Variants in COL6A5 observed in about 807,000 individuals in gnomAD.
COL6A5 encodes the protein collagen alpha-5(VI) chain.
Under a neutral mutation model 65.6 loss-of-function variants are expected in COL6A5, and 48 were observed. The ratio of observed to expected loss-of-function variants is 0.73; its 90% CI spans 0.58 to 0.93. COL6A5 has a LOEUF of 0.93. COL6A5 is among the 40% of genes least tolerant of loss of function. The pLI is 0.00. For synonymous variants in COL6A5, 291 were observed against 322.8 expected (o/e 0.90, Z 1.05); for missense variants, 914 against 928.3 (o/e 0.98, Z 0.20).
At chr3:130,476,976 T>C (rs1710115308) in intron 7 of COL6A5, 2 of 883,374 alleles carry the variant, frequency 2.3e-6, no homozygotes, top group African/African-American at 3.3e-5. Context: ...CTTGTCTTTT[T>C]CTTGCACTCA....
At chr3:130,438,812 A>G (rs1395231363) in intron 1 of COL6A5, among the ~76,000 whole-genome samples, 1 of 152,192 alleles carries the variant, frequency 6.6e-6, no homozygotes, top group Non-Finnish European at 1.5e-5. Flanking sequence ...TAAATGCCCA[A>G]TAAAGAGTTA....
upstream of COL6A5, among the ~76,000 whole-genome samples, chr3:130,426,813 G>T (rs1464531238): frequency 6.6e-6 from 1 of 151,844 alleles, no homozygotes; most frequent in African/African-American, 2.4e-5. Context: ...ACTGAATCCA[G>T]CTATGGGAAA....
chr3:130,466,211 T>C (rs1183967380), intron 5 of COL6A5, among the ~76,000 whole-genome samples: 2 of 152,120 alleles, frequency 1.3e-5, no homozygotes, highest in African/African-American at 2.4e-5. Context: ...AGATAGACCA[T>C]ATTGTGGACC....
At position 130,374,462 on chromosome 3, in the gene COL6A5, G is replaced by A. The variant is rs541611667; in HGVS notation, c.67+757G>A. Among the ~76,000 whole-genome samples the A allele has an allele frequency of 1.3e-4, 20 of 151,980 alleles. No homozygotes were observed. In the South Asian group the frequency reaches 4.0e-3, roughly 30 times the overall value. On this transcript the variant is annotated intron_variant and NMD_transcript_variant, in intron 2 of 41. Transcript: ENST00000312481. Reference sequence around the variant, plus strand: ...AGAATTTTTCAGCTCTATTATAATCGTATTTTTTTGAGACAGAGTCTCACT... The same window carrying A: ...AGAATTTTTCAGCTCTATTATAATCATATTTTTTTGAGACAGAGTCTCACT...
intron 5 of COL6A5, among the ~76,000 whole-genome samples, chr3:130,467,020 A>G (rs2107612073): frequency 6.6e-6 from 1 of 152,164 alleles, no homozygotes; most frequent in South Asian, 2.1e-4. Flanking sequence ...TAAAAATTTA[A>G]GGAAGAAATA....
chr3:130,400,781 G>T (rs1229274834), intron 10 of COL6A5, among the ~76,000 whole-genome samples: 1 of 152,170 alleles, frequency 6.6e-6, no homozygotes, highest in Non-Finnish European at 1.5e-5. Flanking sequence ...TTTGTAAATC[G>T]TTTCTCTTGA....
intron 1 of COL6A5, among the ~76,000 whole-genome samples, chr3:130,355,534 A>T (rs1177240589): frequency 6.6e-6 from 1 of 152,002 alleles, no homozygotes; most frequent in Non-Finnish European, 1.5e-5. Flanking sequence ...CCTAAGTGAA[A>T]ATTAGAGAGA....
intron 12 of COL6A5, among the ~76,000 whole-genome samples, 191 bp from the exon 13 acceptor site, chr3:130,403,418 G>T (rs1421069926): frequency 6.6e-6 from 1 of 152,158 alleles, no homozygotes; most frequent in Non-Finnish European, 1.5e-5. Flanking sequence ...TGCAAGAGGG[G>T]CTTCAGAGCT....
At chr3:130,405,054 A>C (rs1285034075) in intron 13 of COL6A5, among the ~76,000 whole-genome samples, 4 of 152,144 alleles carry the variant, frequency 2.6e-5, no homozygotes, top group African/African-American at 4.8e-5. Flanking sequence ...TTCAGTGCTC[A>C]CCCCTGCACG....
At chr3:130,434,102 C>T (rs532094983) in intron 1 of COL6A5, among the ~76,000 whole-genome samples, 22 of 152,132 alleles carry the variant, frequency 1.4e-4, no homozygotes, top group Non-Finnish European at 2.5e-4. Context: ...CCCCACCCCT[C>T]GACAGGCCCT....
At chr3:130,471,629 C>T in intron 7 of COL6A5, 53 bp from the exon 40 acceptor site, 1 of 1,490,784 alleles carries the variant, frequency 6.7e-7, no homozygotes, top group Non-Finnish European at 8.9e-7. Flanking sequence ...CACATTTAAT[C>T]TTGCAGGGGA....
At chr3:130,453,450 A>G (rs1160300042) in intron 4 of COL6A5, among the ~76,000 whole-genome samples, 1 of 152,152 alleles carries the variant, frequency 6.6e-6, no homozygotes. Context: ...TGTTTTTTAT[A>G]GCACTGCTGA....
intron 4 of COL6A5, among the ~76,000 whole-genome samples, chr3:130,382,459 A>G (rs1341848419): frequency 1.4e-5 from 2 of 143,906 alleles, no homozygotes; most frequent in Admixed American, 7.1e-5. Context: ...AGGTGAAAAC[A>G]CCAATAGTGT....
chr3:130,477,280 G>C (rs1710123123), intron 7 of COL6A5: 2 of 498,934 alleles, frequency 4.0e-6, no homozygotes, highest in East Asian at 6.1e-5. Flanking sequence ...ATCCCTATTT[G>C]AATTATCTAA....
At chr3:130,452,331 G>A (rs566142401) in intron 4 of COL6A5, among the ~76,000 whole-genome samples, 92 of 104,438 alleles carry the variant, frequency 8.8e-4, no homozygotes, top group African/African-American at 2.5e-3. Context: ...GCCAGATATC[G>A]GGCAAAATTC....
At chr3:130,431,079 A>T (rs1446143758), upstream of COL6A5, among the ~76,000 whole-genome samples, 1 of 152,210 alleles carries the variant, frequency 6.6e-6, no homozygotes, top group Non-Finnish European at 1.5e-5. Flanking sequence ...TAAATTTTAC[A>T]CACAGTAAAA....
rs374588116 is a variant in COL6A5, at chr3:130,405,626, G to A, written c.4320G>A (p.Gly1440=). 1.2e-5 allele frequency: 19 copies of A among 1,550,712 alleles called. No individual in the cohort carries two copies. The African/African-American group carries it at 2.2e-4, about 18-fold the overall frequency. The change falls in exon 14 of 42, where the codon GGG becomes GGA. Residue 1440 remains glycine, a synonymous_variant and NMD_transcript_variant. Transcript: ENST00000312481. Reference sequence around the variant, plus strand: ...ACACAGGACCCCAAGGAGACAAAGGGATTGCAGGATGTCCAGGGGCGTGGG... The same window carrying A: ...ACACAGGACCCCAAGGAGACAAAGGAATTGCAGGATGTCCAGGGGCGTGGG...
chr3:130,403,522 G>T, intron 12 of COL6A5, 87 bp from the exon 13 acceptor site: 3 of 1,132,822 alleles, frequency 2.6e-6, no homozygotes, highest in South Asian at 1.5e-5. Context: ...TGGAGGAAGG[G>T]ACTTGCTTAG....
chr3:130,394,916 A>G, exon 8 of COL6A5: 1 of 1,551,144 alleles, frequency 6.4e-7, no homozygotes, highest in Non-Finnish European at 8.7e-7. Context: ...AGCTGACGTG[A>G]TTTTCCTTTG....
Sources: allele counts gnomAD v4.1 joint callset (sites outside exome capture counted in the v4.1 genomes callset), GRCh38; gene constraint gnomAD v4.1.1; transcripts MANE v1.5; gene names NCBI Gene and HGNC (gene_info 2026-07-23, HGNC 2026-07-21).